The following ELOVL6 variants were observed in gnomAD, a reference collection of about 807,000 sequenced individuals.
ELOVL6 encodes ELOVL fatty acid elongase 6, also known as very long chain fatty acid elongase 6.
Under a neutral mutation model 31.7 loss-of-function variants are expected in ELOVL6, and 8 were observed. The observed-to-expected ratio is 0.25, with a 90% CI of 0.15 to 0.45. The LOEUF (loss-of-function observed/expected upper bound fraction) is 0.45. Among genes scored for constraint, ELOVL6 ranks in the 20% least tolerant of loss-of-function variants. ELOVL6 has a pLI of 1.00. For missense variants in ELOVL6, 126 were observed against 326.4 expected (o/e 0.39, Z 4.73); for synonymous variants, 101 against 117.7 (o/e 0.86, Z 0.92).
In ELOVL6 at chr4:110,198,328, A is replaced by G; in HGVS notation, c.8T>C (p.Met3Thr). 1 of 1,602,692 alleles carries G rather than the reference A, an allele frequency of 6.2e-7. No individual in the cohort carries two copies. The highest frequency in any genetic ancestry group is 8.5e-7 in the Non-Finnish European group (1 of 1,169,788). MN[M>T]SVLTLQEYEF... ...ATATTCTTGTAAAGTCAACACTGACATGTTCATTGGGGCTGATCTTCGGAG... is the reference window on the plus strand; with the variant it reads ...ATATTCTTGTAAAGTCAACACTGACGTGTTCATTGGGGCTGATCTTCGGAG... The change falls in exon 1 of 4, where the codon ATG becomes ACG. Residue 3 changes from methionine (M) to threonine (T), a missense_variant. Transcript: ENST00000302274.
chr4:110,060,045 T>G (rs962415035), intron 2 of ELOVL6: 1 of 250,264 alleles, frequency 4.0e-6, no homozygotes, highest in Non-Finnish European at 7.6e-6. Context: ...AGAATGCTGG[T>G]GACCTTTGAG....
At chr4:110,096,124 T>G (rs888269118) in intron 2 of ELOVL6, among the ~76,000 whole-genome samples, 2 of 152,204 alleles carry the variant, frequency 1.3e-5, no homozygotes, top group African/African-American at 2.4e-5. Context: ...TCTTTTTTAT[T>G]GAGCCAACAC....
chr4:110,184,901 C>T (rs1759394375), intron 1 of ELOVL6, among the ~76,000 whole-genome samples: 1 of 152,184 alleles, frequency 6.6e-6, no homozygotes, highest in African/African-American at 2.4e-5. Context: ...CAGTGCTTCT[C>T]CCTAGGGCAA....
chr4:110,098,295 A>G (rs554236855), intron 2 of ELOVL6, among the ~76,000 whole-genome samples: 124 of 150,962 alleles, frequency 8.2e-4, no homozygotes, highest in Middle Eastern at 3.4e-3. Flanking sequence ...AAAGTACAAC[A>G]TTTGTGTTTT....
At chr4:110,189,256 G>T (rs1452520990) in intron 1 of ELOVL6, among the ~76,000 whole-genome samples, 1 of 152,018 alleles carries the variant, frequency 6.6e-6, no homozygotes, top group African/African-American at 2.4e-5. Flanking sequence ...CTGCACTCCA[G>T]CCTGGGTGAC....
chr4:110,058,254 T>C (rs1560800382), intron 3 of ELOVL6, among the ~76,000 whole-genome samples: 1 of 152,218 alleles, frequency 6.6e-6, no homozygotes, highest in Non-Finnish European at 1.5e-5. Flanking sequence ...CGTTTTCATA[T>C]GATCCGTGTG....
At chr4:110,111,280 G>A (rs547945089) in intron 1 of ELOVL6, among the ~76,000 whole-genome samples, 18 of 151,126 alleles carry the variant, frequency 1.2e-4, no homozygotes, top group South Asian at 4.2e-4. Context: ...ATGTTAAAAC[G>A]AAAAAACTGC....
At chr4:110,071,742 C>G (rs1755490376) in intron 2 of ELOVL6, among the ~76,000 whole-genome samples, 1 of 152,206 alleles carries the variant, frequency 6.6e-6, no homozygotes, top group Non-Finnish European at 1.5e-5. Flanking sequence ...AGCACTGGAG[C>G]AAGGGGTTTT....
chr4:110,091,099 T>A (rs1324262503), intron 2 of ELOVL6, among the ~76,000 whole-genome samples: 2 of 152,194 alleles, frequency 1.3e-5, no homozygotes, highest in East Asian at 3.8e-4. Context: ...GCAGAAGATG[T>A]TTGTTTGCTT....
chr4:110,079,057 G>A (rs930520440), intron 2 of ELOVL6, among the ~76,000 whole-genome samples: 6 of 152,266 alleles, frequency 3.9e-5, no homozygotes, highest in African/African-American at 9.6e-5. Flanking sequence ...AAATATATAT[G>A]CACTCAATAC....
intron 2 of ELOVL6, among the ~76,000 whole-genome samples, chr4:110,076,765 T>A (rs1270787568): frequency 1.3e-5 from 2 of 151,944 alleles, no homozygotes; most frequent in African/African-American, 2.4e-5. Flanking sequence ...GCGCACCGAG[T>A]GTGAGCCGAA....
chr4:110,198,464 G>A lies in ELOVL6; in HGVS notation c.-129C>T, dbSNP rs111740197. ...CCCTAGGTCTTCCCCACGCCGCTCG[G>A]TCTCCAGCGGTCGTCTCTTCTCCCA... On this transcript the variant is annotated 5_prime_UTR_variant, in exon 1 of 4. Coordinates refer to ENST00000302274, the MANE Select transcript of ELOVL6 (RefSeq NM_024090.3). 791 of 611,872 alleles carry A rather than the reference G, an allele frequency of 1.3e-3. 3 individuals are homozygous for A. Among genetic ancestry groups the A allele is most frequent in the Admixed American group, 3.3e-3 (114 of 35,046 alleles). The allele number at this position is 611,872 out of a possible 1,614,324, so 37.9% of individuals were successfully genotyped here.
At chr4:110,168,522 G>GAA (rs1005668127) in intron 1 of ELOVL6, among the ~76,000 whole-genome samples, 3 of 126,138 alleles carry the variant, frequency 2.4e-5, no homozygotes, top group East Asian at 2.3e-4. Context: ...GTCTAAAAAA[G>GAA]AAAAAAAAAA....
chr4:110,084,369 G>GATATATACCGC lies in ELOVL6; in HGVS notation c.221+21127_221+21128insGCGGTATATAT, dbSNP rs1344985460. 2.1e-3 allele frequency among the ~76,000 whole-genome samples: 72 copies of GATATATACCGC among 34,708 alleles called. 1 individual carries two copies. The East Asian group carries it at 0.035, about 17-fold the overall frequency. 22.8% of individuals were successfully genotyped at this position (34,708 alleles called of 152,430 possible). A position where few individuals can be genotyped will look rare whatever the true frequency, so the allele number is the denominator to read the frequency against. ...GATATATGATATATACCGCATATAT[G>GATATATACCGC]ATATATGATATATATCGCATATATG... On this transcript the variant is annotated intron_variant, in intron 2 of 3. Transcript: ENST00000302274.
At position 110,114,387 on chromosome 4, in the gene ELOVL6, C is replaced by A. The variant is rs180804111; in HGVS notation, c.90-8759G>T. Reference sequence around the variant, plus strand: ...CTTTTCCAGTCCAGTGGCCTAATGACCCTAGACATATAGAATCTCAAGATT... The same window carrying A: ...CTTTTCCAGTCCAGTGGCCTAATGAACCTAGACATATAGAATCTCAAGATT... On this transcript the variant is annotated intron_variant, in intron 1 of 3. Coordinates refer to ENST00000302274, the MANE Select transcript of ELOVL6 (RefSeq NM_024090.3). Among the ~76,000 whole-genome samples, 999 of 151,844 alleles carry A rather than the reference C, an allele frequency of 6.6e-3. 3 individuals carry two copies. The highest frequency in any genetic ancestry group is 0.011 in the Admixed American group (173 of 15,236).
intron 2 of ELOVL6, among the ~76,000 whole-genome samples, chr4:110,074,866 G>A (rs1755587465): frequency 6.6e-6 from 1 of 152,160 alleles, no homozygotes; most frequent in Non-Finnish European, 1.5e-5. Flanking sequence ...GCATCCTCAA[G>A]TGTGCCCTGT....
intron 1 of ELOVL6, among the ~76,000 whole-genome samples, chr4:110,121,985 A>G (rs924447211): frequency 1.3e-5 from 2 of 152,134 alleles, no homozygotes; most frequent in African/African-American, 4.8e-5. Context: ...ACTTTGCTAT[A>G]TACTGGCAGC....
At chr4:110,089,799 C>G (rs188955372) in intron 2 of ELOVL6, among the ~76,000 whole-genome samples, 3 of 152,032 alleles carry the variant, frequency 2.0e-5, no homozygotes, top group Non-Finnish European at 4.4e-5. Context: ...AGTGCTCCAA[C>G]GGAAAGACCT....
chr4:110,069,332 T>G (rs915207059), intron 2 of ELOVL6, among the ~76,000 whole-genome samples: 29 of 147,122 alleles, frequency 2.0e-4, no homozygotes, highest in African/African-American at 6.9e-4. Context: ...TTTTTTTTTT[T>G]CTTTGAGATA....
Sources: allele counts gnomAD v4.1 joint callset (sites outside exome capture counted in the v4.1 genomes callset), GRCh38; gene constraint gnomAD v4.1.1; transcripts MANE v1.5; gene names NCBI Gene and HGNC (gene_info 2026-07-23, HGNC 2026-07-21).